The following GRIN2B variants were observed in gnomAD, a reference collection of about 807,000 sequenced individuals.
GRIN2B encodes glutamate ionotropic receptor NMDA type subunit 2B, also known as glutamate receptor ionotropic, NMDA 2B.
A neutral mutation model predicts 114.5 loss-of-function variants in GRIN2B; 5 were observed. The observed-to-expected ratio is 0.04, with a 90% CI of 0.02 to 0.09. The LOEUF (loss-of-function observed/expected upper bound fraction) is 0.09. GRIN2B is among the 10% of genes least tolerant of loss of function. GRIN2B has a pLI of 1.00. For missense variants in GRIN2B, 1,108 were observed against 1,943.5 expected (o/e 0.57, Z 8.08); for synonymous variants, 787 against 745.1 (o/e 1.06, Z -0.92).
chr12:13,923,574 G>A (rs193271787), intron 2 of GRIN2B, among the ~76,000 whole-genome samples: 1 of 152,276 alleles, frequency 6.6e-6, no homozygotes, highest in African/African-American at 2.4e-5. Flanking sequence ...AGAGAGAGTA[G>A]GCAGAGAATA....
At chr12:13,962,121 C>CACACACACAT (rs60519392) in intron 2 of GRIN2B, among the ~76,000 whole-genome samples, 1 of 150,856 alleles carries the variant, frequency 6.6e-6, no homozygotes. Flanking sequence ...CACACACACA[C>CACACACACAT]GTGCACGAAG....
chr12:13,968,230 T>C (rs1313640577), intron 2 of GRIN2B, among the ~76,000 whole-genome samples: 4 of 152,230 alleles, frequency 2.6e-5, no homozygotes, highest in East Asian at 3.8e-4. Context: ...AGTGGATGCA[T>C]TGAATTCAAG....
At chr12:13,566,959 T>A in intron 13 of GRIN2B, 66 bp downstream of exon 13, 1 of 1,095,574 alleles carries the variant, frequency 9.1e-7, no homozygotes, top group East Asian at 2.3e-5. Context: ...TGGTTCTCTC[T>A]GCTTTGCACA....
intron 11 of GRIN2B, among the ~76,000 whole-genome samples, chr12:13,570,468 T>C (rs1948691803): frequency 6.6e-6 from 1 of 152,180 alleles, no homozygotes; most frequent in African/African-American, 2.4e-5. Context: ...TGTGCAATGC[T>C]ATTTTTGTGG....
chr12:13,843,366 C>T (rs1404236163), intron 3 of GRIN2B, among the ~76,000 whole-genome samples: 1 of 151,966 alleles, frequency 6.6e-6, no homozygotes, highest in Admixed American at 6.6e-5. Context: ...GGGGTCATTC[C>T]CATTTGATTC....
intron 5 of GRIN2B, among the ~76,000 whole-genome samples, chr12:13,620,003 T>C (rs1487849803): frequency 6.6e-6 from 1 of 152,168 alleles, no homozygotes; most frequent in East Asian, 1.9e-4. Context: ...ATATCCACTA[T>C]CCATTGACAA....
intron 4 of GRIN2B, among the ~76,000 whole-genome samples, chr12:13,714,342 C>A (rs1950438560): frequency 6.6e-6 from 1 of 151,856 alleles, no homozygotes; most frequent in African/African-American, 2.4e-5. Context: ...AAAAATAGTC[C>A]ATGACAGAGG....
At chr12:13,903,177 A>G (rs1031126832) in intron 2 of GRIN2B, among the ~76,000 whole-genome samples, 2 of 151,980 alleles carry the variant, frequency 1.3e-5, no homozygotes, top group Admixed American at 6.6e-5. Flanking sequence ...GTATAAGTTT[A>G]AAAAAAACTT....
At chr12:13,694,715 A>G (rs1950246061) in intron 4 of GRIN2B, among the ~76,000 whole-genome samples, 1 of 135,304 alleles carries the variant, frequency 7.4e-6, no homozygotes, top group African/African-American at 2.8e-5. Flanking sequence ...ATTAATTAAT[A>G]TTGGTCACCA....
At chr12:13,902,639 C>T (rs1234980904) in intron 2 of GRIN2B, among the ~76,000 whole-genome samples, 3 of 152,012 alleles carry the variant, frequency 2.0e-5, no homozygotes, top group African/African-American at 7.2e-5. Context: ...AGTGAAACCC[C>T]GTCTCTACTG....
chr12:13,909,076 T>C (rs1023441533), intron 2 of GRIN2B, among the ~76,000 whole-genome samples: 5 of 152,282 alleles, frequency 3.3e-5, no homozygotes, highest in Admixed American at 3.3e-4. Flanking sequence ...GACATGAATA[T>C]ACTTTCTTCT....
intron 3 of GRIN2B, among the ~76,000 whole-genome samples, chr12:13,859,240 G>C (rs1349864205): frequency 6.6e-6 from 1 of 152,142 alleles, no homozygotes; most frequent in Non-Finnish European, 1.5e-5. Flanking sequence ...TCCTTGTGCT[G>C]GTACCTTCTT....
In GRIN2B at chr12:13,550,773, G is replaced by A. The variant is rs1031915815; in HGVS notation, c.*12010C>T. Reference sequence around the variant, plus strand: ...TGACTGTGCTAGACTGATTGGGCTCGAGTTTGGAAACATTAAGTACCATGC... The same window carrying A: ...TGACTGTGCTAGACTGATTGGGCTCAAGTTTGGAAACATTAAGTACCATGC... On this transcript the variant is annotated 3_prime_UTR_variant, in exon 14 of 14. Transcript: ENST00000609686. 2.0e-5 allele frequency: 3 copies of A among 152,120 alleles called. No homozygotes were observed. Among genetic ancestry groups the A allele is most frequent in the South Asian group, 2.1e-4 (1 of 4,826 alleles). 9.4% of individuals were successfully genotyped at this position (152,120 alleles called of 1,614,324 possible).
intron 2 of GRIN2B, among the ~76,000 whole-genome samples, chr12:13,936,189 C>T (rs1363153044): frequency 6.6e-6 from 1 of 152,110 alleles, no homozygotes; most frequent in African/African-American, 2.4e-5. Flanking sequence ...CTAGACAGCA[C>T]CCATTACAGT....
intron 3 of GRIN2B, among the ~76,000 whole-genome samples, chr12:13,779,116 T>C (rs1035624199): frequency 6.6e-6 from 1 of 152,230 alleles, no homozygotes; most frequent in African/African-American, 2.4e-5. Context: ...TGGTGCACTC[T>C]CACTGCAACC....
chr12:13,859,120 A>T (rs1300978597), intron 3 of GRIN2B, among the ~76,000 whole-genome samples: 4 of 152,114 alleles, frequency 2.6e-5, no homozygotes, highest in Non-Finnish European at 5.9e-5. Flanking sequence ...TTTTGTTTTC[A>T]CTTTACAGAA....
chr12:13,919,270 A>T (rs6488625), intron 2 of GRIN2B, among the ~76,000 whole-genome samples: 51 of 152,288 alleles, frequency 3.3e-4, no homozygotes, highest in Admixed American at 9.2e-4. Flanking sequence ...TTTATACTTT[A>T]TGGTTCTAGG....
intron 2 of GRIN2B, among the ~76,000 whole-genome samples, chr12:13,973,089 G>A (rs1862959260): frequency 1.3e-5 from 2 of 152,166 alleles, no homozygotes; most frequent in Admixed American, 1.3e-4. Context: ...TTAGCTATGG[G>A]AAAAAGAATG....
intron 4 of GRIN2B, among the ~76,000 whole-genome samples, chr12:13,691,805 A>C (rs550897875): frequency 6.6e-6 from 1 of 152,206 alleles, no homozygotes; most frequent in African/African-American, 2.4e-5. Context: ...ACCACATTAC[A>C]TGTACAGAGA....
Sources: gnomAD v4.1 joint callset for allele counts (sites outside exome capture counted in the v4.1 genomes callset) on GRCh38, gnomAD v4.1.1 for gene constraint, MANE v1.5 for transcripts, NCBI Gene and HGNC (gene_info 2026-07-23, HGNC 2026-07-21) for gene names.